Variants in SGCZ observed in about 807,000 individuals in gnomAD.
SGCZ encodes sarcoglycan zeta, also known as zeta-sarcoglycan.
A neutral mutation model predicts 41.3 loss-of-function variants in SGCZ; 40 were observed. The observed-to-expected ratio is 0.97, with a 90% confidence interval of 0.75 to 1.26. The LOEUF is 1.26. SGCZ is among the 50% of genes most tolerant of loss of function. The pLI is 0.00. For missense variants in SGCZ, 552 were observed against 369.8 expected (o/e 1.49, Z -4.04); for synonymous variants, 206 against 137.5 (o/e 1.50, Z -3.49).
At chr8:14,983,081 C>A (rs1006955504) in intron 1 of SGCZ, among the ~76,000 whole-genome samples, 1 of 151,962 alleles carries the variant, frequency 6.6e-6, no homozygotes, top group African/African-American at 2.4e-5. Flanking sequence ...TCTGGGGATT[C>A]AATGAGTTAA....
At chr8:14,512,088 G>A (rs1211853267) in intron 2 of SGCZ, among the ~76,000 whole-genome samples, 4 of 152,170 alleles carry the variant, frequency 2.6e-5, no homozygotes, top group South Asian at 2.1e-4. Flanking sequence ...CTGACACCAT[G>A]AAAACTAAAA....
At chr8:15,054,360 G>A (rs915795855) in intron 1 of SGCZ, among the ~76,000 whole-genome samples, 1 of 152,042 alleles carries the variant, frequency 6.6e-6, no homozygotes, top group African/African-American at 2.4e-5. Context: ...TATCGCTCAG[G>A]CAGAACGTAG....
intron 1 of SGCZ, among the ~76,000 whole-genome samples, chr8:14,851,907 G>C (rs1803341829): frequency 6.6e-6 from 1 of 151,994 alleles, no homozygotes; most frequent in African/African-American, 2.4e-5. Context: ...TTAAAGAAGA[G>C]TGATGATAGC....
intron 4 of SGCZ, among the ~76,000 whole-genome samples, chr8:14,186,509 G>T (rs1435618133): frequency 1.3e-5 from 2 of 152,118 alleles, no homozygotes; most frequent in Admixed American, 6.5e-5. Flanking sequence ...AGGATGGAGG[G>T]TCCAGGCCAC....
chr8:14,166,019 C>G (rs1407755877), intron 4 of SGCZ, among the ~76,000 whole-genome samples: 1 of 152,040 alleles, frequency 6.6e-6, no homozygotes. Flanking sequence ...ATTTAAAACC[C>G]TAATAACATG....
intron 1 of SGCZ, among the ~76,000 whole-genome samples, chr8:14,783,326 C>A (rs1249957753): frequency 1.3e-5 from 2 of 151,780 alleles, no homozygotes; most frequent in African/African-American, 2.4e-5. Context: ...CCCAGCTACT[C>A]TGGAAGCTGA....
intron 2 of SGCZ, among the ~76,000 whole-genome samples, chr8:14,439,722 C>T (rs974444437): frequency 6.6e-6 from 1 of 151,830 alleles, no homozygotes; most frequent in Non-Finnish European, 1.5e-5. Context: ...CAAATTAACA[C>T]AAATTTGTGG....
In SGCZ at chr8:14,119,671, C is replaced by T. The variant is rs574156325; in HGVS notation, c.548-11436G>A. On this transcript the variant is annotated intron_variant, in intron 5 of 7. Transcript: ENST00000382080. The stretch of plus-strand genomic sequence containing the variant: ...AGGGAATGCTGCTTTCAGCTTTTGG[C>T]CATTCAGTATGATATTAGCTGTGGG... Among the ~76,000 whole-genome samples, 37 of 152,156 alleles carry T rather than the reference C, an allele frequency of 2.4e-4. No homozygotes were observed. In the East Asian group the frequency reaches 2.7e-3, roughly 11 times the overall value.
At chr8:15,210,659 G>A (rs10107974) in intron 1 of SGCZ, among the ~76,000 whole-genome samples, 118,213 of 151,874 alleles carry the variant, frequency 0.78, 46,558 homozygotes, top group South Asian at 0.83. Flanking sequence ...CAAAGTATGA[G>A]CAATCCAATA....
At chr8:14,619,503 C>A (rs1222680062) in intron 1 of SGCZ, among the ~76,000 whole-genome samples, 2 of 152,134 alleles carry the variant, frequency 1.3e-5, no homozygotes, top group Admixed American at 1.3e-4. Flanking sequence ...GTCAAACTGT[C>A]CCTGTCTGCA....
At chr8:14,276,535 C>A (rs1800239316) in intron 3 of SGCZ, among the ~76,000 whole-genome samples, 1 of 152,128 alleles carries the variant, frequency 6.6e-6, no homozygotes. Context: ...AATAATTCTA[C>A]ATCTTTTTTA....
chr8:15,079,853 T>A (rs559150213), intron 1 of SGCZ, among the ~76,000 whole-genome samples: 19 of 152,258 alleles, frequency 1.2e-4, no homozygotes, highest in African/African-American at 3.9e-4. Context: ...TAGTACCCGA[T>A]AGGTAACTTT....
rs138063665 is a variant in SGCZ, at chr8:14,196,195, C to T, written c.425-31493G>A. On this transcript the variant is annotated intron_variant, in intron 4 of 7. Coordinates refer to ENST00000382080, the MANE Select transcript of SGCZ (RefSeq NM_139167.4). ...TAGATTTATATTATGAACATTAAAG[C>T]AATCAGTAAAATAATGAAGCAACTA... 3.0e-3 allele frequency among the ~76,000 whole-genome samples: 455 copies of T among 151,366 alleles called. 2 individuals carry two copies. Among genetic ancestry groups the T allele is most frequent in the African/African-American group, 9.6e-3 (397 of 41,274 alleles).
chr8:15,201,294 G>C (rs777092998), intron 1 of SGCZ, among the ~76,000 whole-genome samples: 11 of 152,218 alleles, frequency 7.2e-5, no homozygotes, highest in Admixed American at 1.3e-4. Flanking sequence ...TGGGATTACA[G>C]GCGTGAGCCC....
At chr8:14,951,808 C>A (rs1800650553) in intron 1 of SGCZ, among the ~76,000 whole-genome samples, 1 of 152,112 alleles carries the variant, frequency 6.6e-6, no homozygotes, top group African/African-American at 2.4e-5. Context: ...TATTATTAAA[C>A]CCATAAATTA....
intron 1 of SGCZ, among the ~76,000 whole-genome samples, chr8:14,592,225 G>C (rs1421670548): frequency 2.6e-5 from 4 of 152,068 alleles, no homozygotes; most frequent in Non-Finnish European, 2.9e-5. Context: ...GTTTTAAAAT[G>C]AGGGGAGTGA....
chr8:15,074,585 C>A (rs906447427), intron 1 of SGCZ, among the ~76,000 whole-genome samples: 1 of 152,116 alleles, frequency 6.6e-6, no homozygotes, highest in Non-Finnish European at 1.5e-5. Context: ...ACAAGCCATT[C>A]TTTGTTTTAT....
In SGCZ at chr8:14,515,708, C is replaced by T. The variant is rs145098575; in HGVS notation, c.234+39024G>A. ...CCTGTGTCGTGCTTTAAAATATTGA[C>T]GAAAGTTGTCCATTGAAATTCAAGG... On this transcript the variant is annotated intron_variant, in intron 2 of 7. Transcript: ENST00000382080. Among the ~76,000 whole-genome samples the T allele has an allele frequency of 2.0e-3, 308 of 152,110 alleles. 3 individuals carry two copies. The highest frequency in any genetic ancestry group is 0.01 in the Middle Eastern group (3 of 294).
chr8:14,300,668 C>T (rs1409124553), intron 3 of SGCZ, among the ~76,000 whole-genome samples: 1 of 151,766 alleles, frequency 6.6e-6, no homozygotes. Context: ...GAATGGTGGT[C>T]GTATGAGATC....
Sources: allele counts gnomAD v4.1 joint callset (sites outside exome capture counted in the v4.1 genomes callset), GRCh38; gene constraint gnomAD v4.1.1; transcripts MANE v1.5; gene names NCBI Gene and HGNC (gene_info 2026-07-23, HGNC 2026-07-21).